The following DSCAM variants were observed in gnomAD, a reference collection of about 807,000 sequenced individuals.
DSCAM encodes DS cell adhesion molecule.
A neutral mutation model predicts 217.7 loss-of-function variants in DSCAM; 47 were observed. The ratio of observed to expected loss-of-function variants is 0.22; its 90% CI spans 0.17 to 0.28. The LOEUF (loss-of-function observed/expected upper bound fraction) is 0.28, where lower values mean the gene tolerates loss of function less well. Ranked by LOEUF, DSCAM falls within the 10% of genes least tolerant of loss-of-function variation. DSCAM has a pLI of 1.00. For missense variants in DSCAM, 2,080 were observed against 2,618.3 expected, an observed-to-expected ratio of 0.79 and a Z score of 4.49; for synonymous variants, 1,056 against 1,015.3, an observed-to-expected ratio of 1.04 and a Z score of -0.76.
At chr21:40,748,992 T>C (rs964384385) in intron 1 of DSCAM, among the ~76,000 whole-genome samples, 1 of 152,106 alleles carries the variant, frequency 6.6e-6, no homozygotes, top group Non-Finnish European at 1.5e-5. Context: ...AAGGACAGTA[T>C]CCTCAATAAA....
chr21:40,485,055 A>G (rs2076013669), intron 3 of DSCAM, among the ~76,000 whole-genome samples: 1 of 152,054 alleles, frequency 6.6e-6, no homozygotes. Flanking sequence ...GTTATTATAC[A>G]GAGGAATTGA....
chr21:40,084,901 G>A (rs138227693), intron 23 of DSCAM, among the ~76,000 whole-genome samples: 238 of 150,886 alleles, frequency 1.6e-3, no homozygotes, highest in African/African-American at 5.2e-3. Flanking sequence ...CCATCCCACC[G>A]AGAACAGTAT....
intron 3 of DSCAM, among the ~76,000 whole-genome samples, chr21:40,677,566 T>G (rs894995316): frequency 2.6e-5 from 4 of 152,168 alleles, no homozygotes; most frequent in Admixed American, 2.0e-4. Flanking sequence ...TCAAGAAACA[T>G]TGGCCTAAGG....
intron 4 of DSCAM, among the ~76,000 whole-genome samples, chr21:40,361,211 C>T (rs752630238): frequency 5.9e-5 from 9 of 151,884 alleles, no homozygotes; most frequent in African/African-American, 9.7e-5. Flanking sequence ...AATAATATGA[C>T]GCATCCCATA....
rs1167901886 is a variant in DSCAM, at chr21:40,144,399, G to A, written c.3259+92C>T. 6.4e-7 allele frequency: 1 copy of A among 1,560,264 alleles called. No individual in the cohort carries two copies. Among genetic ancestry groups the A allele is most frequent in the Admixed American group, 1.8e-5 (1 of 57,010 alleles). ...CTGCAGGTCACTGCAAAGTCGTGGG[G>A]CGGGGGAGTGCGAGGTTGGGGGAGC... On this transcript the variant is annotated intron_variant, in intron 17 of 32. Coordinates refer to ENST00000400454, the MANE Select transcript of DSCAM (RefSeq NM_001389.5). This position sits in a 1 kb window ranked among gnomAD's most constrained non-coding sequence, Gnocchi z 4.8.
intron 11 of DSCAM, among the ~76,000 whole-genome samples, chr21:40,236,114 G>A (rs1386424648): frequency 1.3e-5 from 2 of 152,188 alleles, no homozygotes; most frequent in African/African-American, 4.8e-5. Flanking sequence ...GCAGCTGCAT[G>A]TATTAAAGAA....
chr21:40,433,780 G>C, intron 3 of DSCAM, among the ~76,000 whole-genome samples: 1 of 152,022 alleles, frequency 6.6e-6, no homozygotes, highest in African/African-American at 2.4e-5. Flanking sequence ...CACCTGAGTT[G>C]GATGAGGTCA....
chr21:40,591,396 C>CTAAACCTAA (rs1316508992), intron 3 of DSCAM, among the ~76,000 whole-genome samples: 1 of 152,166 alleles, frequency 6.6e-6, no homozygotes, highest in African/African-American at 2.4e-5. Context: ...ACTGAGTATC[C>CTAAACCTAA]ACCTGTTACC....
intron 3 of DSCAM, among the ~76,000 whole-genome samples, chr21:40,586,749 A>G (rs2076949908): frequency 6.6e-6 from 1 of 152,206 alleles, no homozygotes; most frequent in Non-Finnish European, 1.5e-5. Flanking sequence ...CTTGCCCAAG[A>G]AACACATGGA....
At chr21:40,551,071 A>C (rs536033301) in intron 3 of DSCAM, among the ~76,000 whole-genome samples, 9 of 152,334 alleles carry the variant, frequency 5.9e-5, no homozygotes, top group African/African-American at 1.9e-4. Context: ...AAAAAAGCCA[A>C]ACTGAAATAT....
intron 3 of DSCAM, among the ~76,000 whole-genome samples, chr21:40,498,779 G>GTATA (rs777600814): frequency 2.9e-5 from 2 of 70,134 alleles, no homozygotes; most frequent in Non-Finnish European, 5.7e-5. Context: ...ATATATGGGT[G>GTATA]TGTATATATA....
At chr21:40,063,991 C>G (rs1314726254) in intron 27 of DSCAM, among the ~76,000 whole-genome samples, 2 of 152,086 alleles carry the variant, frequency 1.3e-5, no homozygotes, top group Non-Finnish European at 2.9e-5. Context: ...ATACTCCACC[C>G]ACACAGCAAA....
chr21:40,041,341 C>T (rs1210931131), intron 32 of DSCAM, among the ~76,000 whole-genome samples: 1 of 152,200 alleles, frequency 6.6e-6, no homozygotes, highest in Non-Finnish European at 1.5e-5. Flanking sequence ...ATGAGAACTA[C>T]ACTTGGCTGC....
intron 3 of DSCAM, among the ~76,000 whole-genome samples, chr21:40,420,356 C>A (rs928769176): frequency 6.6e-6 from 1 of 152,046 alleles, no homozygotes; most frequent in African/African-American, 2.4e-5. Context: ...TTTCTTTATC[C>A]GTATCAAAAG....
chr21:40,478,715 C>A (rs1368610930), intron 3 of DSCAM, among the ~76,000 whole-genome samples: 1 of 152,146 alleles, frequency 6.6e-6, no homozygotes, highest in African/African-American at 2.4e-5. Flanking sequence ...ACAATGACTG[C>A]AACAAAATAA....
At chr21:40,398,184 A>C (rs2075199175) in intron 3 of DSCAM, among the ~76,000 whole-genome samples, 2 of 151,904 alleles carry the variant, frequency 1.3e-5, no homozygotes, top group Non-Finnish European at 2.9e-5. Flanking sequence ...GCACTTATAC[A>C]CTCTTAGGGG....
chr21:40,397,470 T>C (rs1202876488), intron 3 of DSCAM, among the ~76,000 whole-genome samples: 1 of 152,118 alleles, frequency 6.6e-6, no homozygotes, highest in Non-Finnish European at 1.5e-5. Context: ...AGAAGCTTCC[T>C]GAGGCCTCCC....
In DSCAM at chr21:40,144,880, G is replaced by C. The variant is rs1055056785; in HGVS notation, c.3019-149C>G. On this transcript the variant is annotated intron_variant, in intron 16 of 32. Transcript: ENST00000400454. This position sits in a 1 kb window ranked among gnomAD's most constrained non-coding sequence, Gnocchi z 4.8. ...GGTCCGGTAGCAGCCGCAAACCCAC[G>C]TACAGTGCAACTTGGTCTGTGCCAG... 2 of 1,122,882 alleles carry C rather than the reference G, an allele frequency of 1.8e-6. No individual in the cohort carries two copies. Among genetic ancestry groups the C allele is most frequent in the African/African-American group, 3.1e-5 (2 of 63,884 alleles). 69.6% of individuals were successfully genotyped at this position (1,122,882 alleles called of 1,614,324 possible).
At chr21:40,676,763 A>G (rs981898635) in intron 3 of DSCAM, among the ~76,000 whole-genome samples, 1 of 152,244 alleles carries the variant, frequency 6.6e-6, no homozygotes, top group African/African-American at 2.4e-5. Context: ...CCTTTCTTCA[A>G]TATTTCATCA....
Sources: allele counts gnomAD v4.1 joint callset (sites outside exome capture counted in the v4.1 genomes callset), GRCh38; gene constraint gnomAD v4.1.1; non-coding constraint Gnocchi (gnomAD v3.1); transcripts MANE v1.5; gene names NCBI Gene and HGNC (gene_info 2026-07-23, HGNC 2026-07-21).